The following ARSB variants were observed in gnomAD, a reference collection of about 807,000 sequenced individuals.
ARSB encodes the protein arylsulfatase B, also known as N-acetylgalactosamine-4-sulfatase.
A neutral mutation model predicts 50.9 loss-of-function variants in ARSB; 41 were observed. The observed-to-expected ratio is 0.81, with a 90% CI of 0.63 to 1.04. The LOEUF (loss-of-function observed/expected upper bound fraction) is 1.04, where lower values mean the gene tolerates loss of function less well. Among genes scored for constraint, ARSB ranks in the 50% least tolerant of loss-of-function variants. The pLI is 0.00. For missense variants in ARSB, 672 were observed against 693.3 expected, an observed-to-expected ratio of 0.97 and a Z score of 0.35; for synonymous variants, 269 against 284.8, an observed-to-expected ratio of 0.94 and a Z score of 0.56.
At chr5:78,916,495 T>A (rs185451052) in intron 4 of ARSB, among the ~76,000 whole-genome samples, 2 of 152,318 alleles carry the variant, frequency 1.3e-5, no homozygotes, top group Non-Finnish European at 2.9e-5. Flanking sequence ...TGAGGACCCC[T>A]GGGAATCCTA....
intron 6 of ARSB, among the ~76,000 whole-genome samples, chr5:78,817,823 CA>C (rs543185932): frequency 6.6e-6 from 1 of 151,390 alleles, no homozygotes; most frequent in African/African-American, 2.4e-5. Flanking sequence ...TCAAAAAACC[CA>C]AAAAAACAAA....
chr5:78,887,623 T>C (rs1227727846), intron 4 of ARSB, among the ~76,000 whole-genome samples: 1 of 152,214 alleles, frequency 6.6e-6, no homozygotes, highest in African/African-American at 2.4e-5. Flanking sequence ...GTAACTGCTG[T>C]TGTTCTTAAA....
At chr5:78,872,528 A>T (rs1435401415) in intron 5 of ARSB, among the ~76,000 whole-genome samples, 1 of 136,588 alleles carries the variant, frequency 7.3e-6, no homozygotes, top group Non-Finnish European at 1.6e-5. Flanking sequence ...GACATGGATG[A>T]AATTGGAAAC....
At chr5:78,830,274 T>C (rs1183010511) in intron 6 of ARSB, among the ~76,000 whole-genome samples, 9 of 152,138 alleles carry the variant, frequency 5.9e-5, no homozygotes, top group Admixed American at 4.6e-4. Flanking sequence ...AATGGAGTTA[T>C]GGGCCACTAA....
chr5:78,827,815 C>CT (rs1190073835), intron 6 of ARSB, among the ~76,000 whole-genome samples: 5 of 151,770 alleles, frequency 3.3e-5, no homozygotes, highest in African/African-American at 1.2e-4. Flanking sequence ...ACCCACAGTC[C>CT]TAACGGCAAA....
At chr5:78,925,062 T>C (rs1446527175) in intron 4 of ARSB, among the ~76,000 whole-genome samples, 2 of 152,256 alleles carry the variant, frequency 1.3e-5, no homozygotes, top group Non-Finnish European at 2.9e-5. Flanking sequence ...AGGCTGTTTA[T>C]GTCTGCTCCT....
intron 4 of ARSB, among the ~76,000 whole-genome samples, chr5:78,913,752 AC>A (rs1332747169): frequency 2.0e-5 from 3 of 152,088 alleles, no homozygotes; most frequent in African/African-American, 7.3e-5. Flanking sequence ...GTATAAAGGT[AC>A]CCAAGATTTC....
intron 6 of ARSB, among the ~76,000 whole-genome samples, chr5:78,809,113 G>A (rs1390085036): frequency 1.3e-5 from 2 of 152,238 alleles, no homozygotes; most frequent in Non-Finnish European, 2.9e-5. Flanking sequence ...GTCTTGGACA[G>A]ATTCAGCATC....
In ARSB at chr5:78,816,334, C is replaced by A. The variant is rs79156343; in HGVS notation, c.1213+23022G>T. Reference sequence around the variant, plus strand: ...TTACTGATTAAGGGGGCTTGATTAGCTCTGTCAGCAAATTCTGCCTCCAAA... The same window carrying A: ...TTACTGATTAAGGGGGCTTGATTAGATCTGTCAGCAAATTCTGCCTCCAAA... On this transcript the variant is annotated intron_variant, in intron 6 of 7. Coordinates refer to ENST00000264914, the MANE Select transcript of ARSB (RefSeq NM_000046.5). Among the ~76,000 whole-genome samples the A allele has an allele frequency of 0.035, 5,336 of 152,248 alleles. 148 individuals carry two copies. Among genetic ancestry groups the A allele is most frequent in the South Asian group, 0.11 (547 of 4,814 alleles).
At chr5:78,913,388 T>C (rs943034677) in intron 4 of ARSB, among the ~76,000 whole-genome samples, 1 of 152,228 alleles carries the variant, frequency 6.6e-6, no homozygotes, top group African/African-American at 2.4e-5. Context: ...CCTCTCAAAG[T>C]GCTTGGGATT....
intron 4 of ARSB, among the ~76,000 whole-genome samples, chr5:78,889,031 G>A (rs966442747): frequency 3.3e-5 from 5 of 152,218 alleles, no homozygotes; most frequent in Admixed American, 3.3e-4. Flanking sequence ...GCCTGTCCTT[G>A]TACCCCCACA....
At position 78,830,308 on chromosome 5, in the gene ARSB, A is replaced by G. The variant is rs535882192; in HGVS notation, c.1213+9048T>C. ...AACCACGTGGTGCTGTAGAGAAGGG[A>G]TCTGGTGAGGCAGCTGGCCCTTCAT... On this transcript the variant is annotated intron_variant, in intron 6 of 7. Coordinates refer to ENST00000264914, the MANE Select transcript of ARSB (RefSeq NM_000046.5). 3.9e-5 allele frequency among the ~76,000 whole-genome samples: 6 copies of G among 152,264 alleles called. No individual in the cohort carries two copies. In the East Asian group the frequency reaches 9.6e-4, roughly 24 times the overall value.
intron 5 of ARSB, among the ~76,000 whole-genome samples, chr5:78,871,840 T>C (rs1747201509): frequency 1.5e-5 from 2 of 129,706 alleles, no homozygotes; most frequent in Admixed American, 8.9e-5. Context: ...CTAAAGAGCT[T>C]CTGCACAGCA....
chr5:78,801,345 G>T (rs747043288), intron 6 of ARSB, among the ~76,000 whole-genome samples: 1 of 152,130 alleles, frequency 6.6e-6, no homozygotes, highest in East Asian at 1.9e-4. Flanking sequence ...GAGCCTAGTC[G>T]GGGAAGTACT....
intron 4 of ARSB, among the ~76,000 whole-genome samples, chr5:78,939,613 C>T (rs1314262650): frequency 6.6e-6 from 1 of 152,168 alleles, no homozygotes; most frequent in Non-Finnish European, 1.5e-5. Context: ...GACATGAACT[C>T]ATCATTTTTT....
intron 4 of ARSB, among the ~76,000 whole-genome samples, chr5:78,937,384 A>G (rs112757692): frequency 6.9e-6 from 1 of 144,964 alleles, no homozygotes; most frequent in Non-Finnish European, 1.5e-5. Flanking sequence ...TAAGATATAT[A>G]TATCATATAT....
At chr5:78,784,656 A>C (rs576991052) in intron 6 of ARSB, among the ~76,000 whole-genome samples, 1 of 152,162 alleles carries the variant, frequency 6.6e-6, no homozygotes, top group African/African-American at 2.4e-5. Flanking sequence ...TGTGTAGTAC[A>C]TGTGAACTTT....
intron 4 of ARSB, among the ~76,000 whole-genome samples, chr5:78,917,093 T>G (rs916445369): frequency 6.6e-6 from 1 of 152,182 alleles, no homozygotes; most frequent in African/African-American, 2.4e-5. Context: ...AGGAGTTGAC[T>G]TCTGAGCTGA....
At chr5:78,821,694 T>C (rs1177038910) in intron 6 of ARSB, among the ~76,000 whole-genome samples, 3 of 152,260 alleles carry the variant, frequency 2.0e-5, no homozygotes, top group Non-Finnish European at 2.9e-5. Flanking sequence ...GCATATCTTC[T>C]AGAATGCTTC....
Sources: allele counts gnomAD v4.1 joint callset (sites outside exome capture counted in the v4.1 genomes callset), GRCh38; gene constraint gnomAD v4.1.1; transcripts MANE v1.5; gene names NCBI Gene and HGNC (gene_info 2026-07-23, HGNC 2026-07-21).